EYA2: variants seen among roughly 807,000 people sequenced by gnomAD.
EYA2 encodes EYA transcriptional coactivator and phosphatase 2.
Under a neutral mutation model 69.2 loss-of-function variants are expected in EYA2, and 31 were observed. The observed-to-expected ratio is 0.45, with a 90% confidence interval of 0.34 to 0.60. The LOEUF is 0.60. EYA2 is among the 20% of genes least tolerant of loss of function. EYA2 has a pLI of 0.02. For synonymous variants in EYA2, 257 were observed against 279.4 expected (o/e 0.92, Z 0.80); for missense variants, 622 against 701.2 (o/e 0.89, Z 1.28).
At chr20:47,068,226 C>G (rs1313809142) in intron 5 of EYA2, among the ~76,000 whole-genome samples, 2 of 152,166 alleles carry the variant, frequency 1.3e-5, no homozygotes, top group African/African-American at 4.8e-5. Context: ...GTGCTTGGTG[C>G]ATAAAGCACT....
Position 47,084,987 on chromosome 20 carries a change from C to A in EYA2, c.662-4252C>A, listed in dbSNP as rs187196440. Reference sequence around the variant, plus strand: ...AGTAGCTGGGACTATGGGTGTGTGCCATGAAACCCAGTTAATTTTTGTATT... The same window carrying A: ...AGTAGCTGGGACTATGGGTGTGTGCAATGAAACCCAGTTAATTTTTGTATT... On this transcript the variant is annotated intron_variant, in intron 7 of 15. Coordinates refer to ENST00000327619, the MANE Select transcript of EYA2 (RefSeq NM_005244.5). Among the ~76,000 whole-genome samples, 9 of 152,000 alleles carry A rather than the reference C, an allele frequency of 5.9e-5. No individual in the cohort carries two copies. The East Asian group carries it at 1.7e-3, about 30-fold the overall frequency.
intron 10 of EYA2, among the ~76,000 whole-genome samples, chr20:47,162,075 G>A (rs932605300): frequency 6.6e-5 from 10 of 152,090 alleles, no homozygotes; most frequent in Non-Finnish European, 1.5e-4. Context: ...GATGTCCTCT[G>A]ACTCGTAGAG....
chr20:47,001,021 A>C (rs1191277121), intron 2 of EYA2, among the ~76,000 whole-genome samples: 1 of 152,056 alleles, frequency 6.6e-6, no homozygotes. Context: ...GCGGTTTTCC[A>C]TCCAGGAGTG....
chr20:47,154,819 T>TTGTGTGTGTG (rs11472542), intron 10 of EYA2, among the ~76,000 whole-genome samples: 5,732 of 140,744 alleles, frequency 0.041, 154 homozygotes, highest in African/African-American at 0.065. Context: ...TTATTTTGTT[T>TTGTGTGTGTG]TGTGTGTGTG....
intron 5 of EYA2, among the ~76,000 whole-genome samples, chr20:47,039,905 A>G (rs982928753): frequency 1.6e-5 from 2 of 124,656 alleles, no homozygotes; most frequent in African/African-American, 3.1e-5. Context: ...CAATGGTGCG[A>G]TCTCAGCTCA....
intron 5 of EYA2, among the ~76,000 whole-genome samples, chr20:47,021,453 C>T (rs1362129598): frequency 1.3e-5 from 2 of 151,928 alleles, no homozygotes; most frequent in African/African-American, 2.4e-5. Context: ...ATGGCAAAAC[C>T]CCATCTCTAC....
chr20:47,083,494 C>G (rs1479629666), intron 7 of EYA2, among the ~76,000 whole-genome samples: 2 of 150,172 alleles, frequency 1.3e-5, no homozygotes, highest in South Asian at 2.1e-4. Context: ...AGGAGAATCC[C>G]TTGAACCAGG....
At chr20:47,128,153 A>G (rs372973193) in intron 9 of EYA2, among the ~76,000 whole-genome samples, 2 of 152,212 alleles carry the variant, frequency 1.3e-5, no homozygotes, top group African/African-American at 2.4e-5. Flanking sequence ...CTGATTTCCA[A>G]TCGCGGCCAA....
chr20:47,011,687 C>T (rs1983067353), intron 4 of EYA2, among the ~76,000 whole-genome samples: 1 of 152,064 alleles, frequency 6.6e-6, no homozygotes, highest in Non-Finnish European at 1.5e-5. Context: ...GTTCAAATGT[C>T]TCTTCCTCCC....
At chr20:47,090,604 G>T (rs558223575) in intron 8 of EYA2, among the ~76,000 whole-genome samples, 125 of 152,072 alleles carry the variant, frequency 8.2e-4, no homozygotes, top group African/African-American at 2.9e-3. Context: ...CATACAGATA[G>T]TAAGATGATA....
At chr20:46,989,481 A>G (rs1416021604) in intron 1 of EYA2, among the ~76,000 whole-genome samples, 2 of 152,072 alleles carry the variant, frequency 1.3e-5, no homozygotes, top group Non-Finnish European at 2.9e-5. Flanking sequence ...GTTGGCCAGG[A>G]TGGTCTCGAT....
At chr20:46,920,594 C>T (rs1985136115) in intron 1 of EYA2, among the ~76,000 whole-genome samples, 1 of 152,340 alleles carries the variant, frequency 6.6e-6, no homozygotes, top group South Asian at 2.1e-4. Flanking sequence ...CATCAGACAA[C>T]TTCAAGCTCC....
At chr20:47,178,825 G>GTGGATGGATGGATATTGGGTGGA (rs2034476184) in intron 12 of EYA2, among the ~76,000 whole-genome samples, 2 of 145,460 alleles carry the variant, frequency 1.4e-5, no homozygotes, top group East Asian at 2.1e-4. Flanking sequence ...GGGTGGGTGG[G>GTGGATGGATGGATATTGGGTGGA]TGGATGGATG....
At chr20:47,136,741 CA>C (rs11482117) in intron 9 of EYA2, among the ~76,000 whole-genome samples, 458 of 108,066 alleles carry the variant, frequency 4.2e-3, no homozygotes, top group African/African-American at 7.3e-3. Context: ...GACCCTGTCT[CA>C]AAAAAAAAAA....
intron 7 of EYA2, among the ~76,000 whole-genome samples, chr20:47,075,149 C>T (rs1210678005): frequency 2.6e-5 from 4 of 152,200 alleles, no homozygotes; most frequent in African/African-American, 9.6e-5. Context: ...CCATCTGTTT[C>T]GTGCTGAGCA....
chr20:47,155,913 A>G, intron 10 of EYA2, among the ~76,000 whole-genome samples: 1 of 150,662 alleles, frequency 6.6e-6, no homozygotes, highest in East Asian at 2.0e-4. Context: ...ATGGTGGCTC[A>G]TGCCTGTAAT....
At chr20:47,129,059 G>A (rs2033268797) in intron 9 of EYA2, among the ~76,000 whole-genome samples, 1 of 152,164 alleles carries the variant, frequency 6.6e-6, no homozygotes, top group African/African-American at 2.4e-5. Context: ...AGGAGGCGGA[G>A]GTTGCAGTGA....
intron 1 of EYA2, among the ~76,000 whole-genome samples, chr20:46,919,446 G>A (rs1367474119): frequency 4.6e-5 from 7 of 152,198 alleles, no homozygotes; most frequent in South Asian, 4.1e-4. Context: ...TTGCTGCTTC[G>A]CCTTGCACTT....
chr20:47,059,769 C>T (rs531903944), intron 5 of EYA2, among the ~76,000 whole-genome samples: 2 of 152,352 alleles, frequency 1.3e-5, no homozygotes, highest in East Asian at 1.9e-4. Flanking sequence ...TTACTCAGTG[C>T]TAGTCTATTT....
Sources: gnomAD v4.1 joint callset for allele counts (sites outside exome capture counted in the v4.1 genomes callset) on GRCh38, gnomAD v4.1.1 for gene constraint, MANE v1.5 for transcripts, NCBI Gene and HGNC (gene_info 2026-07-23, HGNC 2026-07-21) for gene names.